Variants in ENTPD1 observed in about 807,000 individuals in gnomAD.
ENTPD1 encodes the protein ectonucleoside triphosphate diphosphohydrolase 1.
A neutral mutation model predicts 57.0 loss-of-function variants in ENTPD1; 33 were observed. The ratio of observed to expected loss-of-function variants is 0.58; its 90% confidence interval spans 0.44 to 0.77. The LOEUF (loss-of-function observed/expected upper bound fraction) is 0.77. Among genes scored for constraint, ENTPD1 ranks in the 30% least tolerant of loss-of-function variants. ENTPD1 has a pLI of 0.00. For synonymous variants in ENTPD1, 202 were observed against 218.8 expected, an observed-to-expected ratio of 0.92 and a Z score of 0.68; for missense variants, 501 against 603.4, an observed-to-expected ratio of 0.83 and a Z score of 1.78.
At chr10:95,805,251 C>T (rs1235792049) in intron 1 of ENTPD1, among the ~76,000 whole-genome samples, 1 of 152,156 alleles carries the variant, frequency 6.6e-6, no homozygotes, top group East Asian at 1.9e-4. Context: ...TAATGGCCTT[C>T]TTTGTCTCTT....
At chr10:95,851,317 AT>A (rs1229051337) in intron 7 of ENTPD1, among the ~76,000 whole-genome samples, 3 of 151,560 alleles carry the variant, frequency 2.0e-5, no homozygotes, top group Non-Finnish European at 4.4e-5. Context: ...TATTTTTTTA[AT>A]TTTTTTTGAA....
chr10:95,784,930 C>G (rs1215003610), intron 1 of ENTPD1: 2 of 152,214 alleles, frequency 1.3e-5, no homozygotes, highest in African/African-American at 4.8e-5. Context: ...GTAATAAGGA[C>G]TGGACTTTGT....
rs1345218581 is a variant in ENTPD1, at chr10:95,847,568, G to A, written c.936G>A (p.Gln312=). 6.2e-7 allele frequency: 1 copy of A among 1,614,100 alleles called. No homozygotes were observed. The highest frequency in any genetic ancestry group is 8.5e-7 in the Non-Finnish European group (1 of 1,180,020). The change falls in exon 7 of 10, where the codon CAG becomes CAA. Residue 312 remains glutamine (Q), a synonymous_variant. Coordinates refer to ENST00000371205, the MANE Select transcript of ENTPD1 (RefSeq NM_001776.6). ...TKRFEMTLPF[Q]QFEIQGIGNY... ...GATTTGAGATGACTCTTCCATTCCA[G>A]CAGTTTGAAATCCAGGGTATTGGAA... is the stretch of plus-strand genomic sequence containing the variant.
intron 1 of ENTPD1, among the ~76,000 whole-genome samples, chr10:95,713,209 T>G (rs1240315106): frequency 6.6e-6 from 1 of 152,216 alleles, no homozygotes; most frequent in Non-Finnish European, 1.5e-5. Flanking sequence ...TCCTGGACTT[T>G]TCATGAAGAG....
chr10:95,811,830 T>C (rs1254110399), intron 1 of ENTPD1, among the ~76,000 whole-genome samples: 1 of 152,232 alleles, frequency 6.6e-6, no homozygotes, highest in Non-Finnish European at 1.5e-5. Context: ...GTTGATGGAC[T>C]TTTAGTCATT....
intron 1 of ENTPD1, among the ~76,000 whole-genome samples, chr10:95,806,562 G>A (rs1396598471): frequency 6.6e-6 from 1 of 152,226 alleles, no homozygotes; most frequent in Non-Finnish European, 1.5e-5. Context: ...TGGAGGAGAA[G>A]AGGTGCTCTG....
intron 1 of ENTPD1, among the ~76,000 whole-genome samples, chr10:95,729,249 T>C (rs2097986861): frequency 6.6e-6 from 1 of 152,204 alleles, no homozygotes; most frequent in South Asian, 2.1e-4. Context: ...CTACCAATTA[T>C]ATTCAGAGAA....
rs1342996042 is a variant in ENTPD1, at chr10:95,864,723, G to T, written c.1189-1G>T. The stretch of plus-strand genomic sequence containing the variant: ...TGATCTCCCCCTCACTTCACTTCTA[G>T]ATAAAAACATCTTACGCTGGAGTAA... On this transcript the variant is annotated splice_acceptor_variant, in intron 8 of 9. Transcript: ENST00000371205. LOFTEE classifies it high-confidence loss of function. 6.2e-7 allele frequency: 1 copy of T among 1,614,114 alleles called. No homozygotes were observed. Among genetic ancestry groups the T allele is most frequent in the Admixed American group, 1.7e-5 (1 of 60,014 alleles).
At chr10:95,810,206 C>T (rs1428420516) in intron 1 of ENTPD1, among the ~76,000 whole-genome samples, 21 of 148,624 alleles carry the variant, frequency 1.4e-4, no homozygotes, top group African/African-American at 5.3e-4. Flanking sequence ...CTCCTCACAT[C>T]CCAGACGGGG....
chr10:95,845,337 G>A lies in ENTPD1; in HGVS notation c.574-20G>A, dbSNP rs749400404. The A allele has an allele frequency of 9.9e-6, 16 of 1,613,974 alleles. No homozygotes were observed. The highest frequency in any genetic ancestry group is 9.9e-5 in the South Asian group (9 of 91,082). ...GGGTGTCCAGAGACTTCTAGCACTG[G>A]TAACTGTACTGTCTTTCAGAAAACA... On this transcript the variant is annotated intron_variant, in intron 5 of 9. Transcript: ENST00000371205.
rs934571529 is a variant in ENTPD1, at chr10:95,871,110, G to A, written c.*4727G>A. 27 of 985,322 alleles carry A rather than the reference G, an allele frequency of 2.7e-5. No individual in the cohort carries two copies. The highest frequency in any genetic ancestry group is 3.3e-5 in the Non-Finnish European group (27 of 829,934). 61.0% of individuals were successfully genotyped at this position (985,322 alleles called of 1,614,324 possible). On this transcript the variant is annotated 3_prime_UTR_variant, in exon 10 of 10. Coordinates refer to ENST00000371205, the MANE Select transcript of ENTPD1 (RefSeq NM_001776.6). ...TGTCACAGGCTATTGTAAGTCATAT[G>A]AGCAAGCTCAATAAAATATAAACAA...
intron 2 of ENTPD1, among the ~76,000 whole-genome samples, chr10:95,835,877 A>G: frequency 6.6e-6 from 1 of 152,010 alleles, no homozygotes; most frequent in East Asian, 1.9e-4. Context: ...GCTTTTGAGG[A>G]CTTAGTCATA....
intron 2 of ENTPD1, among the ~76,000 whole-genome samples, chr10:95,834,087 A>G (rs1300812832): frequency 1.3e-5 from 2 of 152,198 alleles, no homozygotes; most frequent in African/African-American, 4.8e-5. Context: ...ACTACTTTAT[A>G]TTAGACAATG....
chr10:95,831,992 T>A (rs1028118983), intron 2 of ENTPD1, among the ~76,000 whole-genome samples: 5 of 152,242 alleles, frequency 3.3e-5, no homozygotes, highest in Non-Finnish European at 7.3e-5. Context: ...TATACCCTTG[T>A]TTTGAACTTA....
upstream of ENTPD1, among the ~76,000 whole-genome samples, chr10:95,751,159 CA>C (rs2098011383): frequency 6.6e-6 from 1 of 152,076 alleles, no homozygotes; most frequent in African/African-American, 2.4e-5. Flanking sequence ...TATTCGATGA[CA>C]GGAATTTAAA....
intron 1 of ENTPD1, among the ~76,000 whole-genome samples, chr10:95,733,321 T>C (rs530321355): frequency 1.3e-5 from 2 of 152,340 alleles, no homozygotes; most frequent in African/African-American, 4.8e-5. Context: ...ACATCACTGT[T>C]ATCCTGTTCT....
chr10:95,738,511 G>A (rs947719290), intron 1 of ENTPD1, among the ~76,000 whole-genome samples: 6 of 152,122 alleles, frequency 3.9e-5, no homozygotes, highest in African/African-American at 1.4e-4. Context: ...GGATATAGTG[G>A]GCAGTCAGCA....
At chr10:95,804,733 G>T (rs976021133) in intron 1 of ENTPD1, among the ~76,000 whole-genome samples, 9 of 152,214 alleles carry the variant, frequency 5.9e-5, no homozygotes, top group African/African-American at 1.7e-4. Flanking sequence ...GGAGTGGTGA[G>T]AGAGGGCATC....
intron 1 of ENTPD1, among the ~76,000 whole-genome samples, chr10:95,737,349 A>G (rs1219298561): frequency 6.6e-6 from 1 of 152,034 alleles, no homozygotes; most frequent in African/African-American, 2.4e-5. Flanking sequence ...GAAATGGAAA[A>G]ACCTCTCTGG....
Sources: gnomAD v4.1 joint callset for allele counts (sites outside exome capture counted in the v4.1 genomes callset) on GRCh38, gnomAD v4.1.1 for gene constraint, MANE v1.5 for transcripts, NCBI Gene and HGNC (gene_info 2026-07-23, HGNC 2026-07-21) for gene names.